Variants in ADCK1 observed in about 807,000 individuals in gnomAD.
The protein encoded by ADCK1 is aarF domain-containing protein kinase 1.
A neutral mutation model predicts 52.3 loss-of-function variants in ADCK1; 41 were observed. The observed-to-expected ratio is 0.78, with a 90% CI of 0.61 to 1.02. ADCK1 has a LOEUF of 1.02. Among genes scored for constraint, ADCK1 ranks in the 50% least tolerant of loss-of-function variants. The probability of loss-of-function intolerance (pLI) is 0.00; values close to 1 mark genes in which losing one functional copy is unlikely to be tolerated. For missense variants in ADCK1, 658 were observed against 679.5 expected, an observed-to-expected ratio of 0.97 and a Z score of 0.35; for synonymous variants, 250 against 274.6, an observed-to-expected ratio of 0.91 and a Z score of 0.89.
At chr14:77,860,799 C>T (rs2140141166) in intron 4 of ADCK1, among the ~76,000 whole-genome samples, 1 of 152,284 alleles carries the variant, frequency 6.6e-6, no homozygotes, top group South Asian at 2.1e-4. Flanking sequence ...AGATTCACCC[C>T]CAAATTAAAA....
intron 5 of ADCK1, among the ~76,000 whole-genome samples, chr14:77,894,086 G>C (rs1306659620): frequency 6.6e-6 from 1 of 152,160 alleles, no homozygotes; most frequent in East Asian, 1.9e-4. Flanking sequence ...GCTAGGCAAT[G>C]TTTATGTCGG....
rs550843297 is a variant in ADCK1 at position 77,855,814 on chromosome 14, AG to A, written c.220-3261del. 3.6e-3 allele frequency among the ~76,000 whole-genome samples: 548 copies of A among 152,354 alleles called. 4 individuals carry two copies. The highest frequency in any genetic ancestry group is 0.013 in the African/African-American group (530 of 41,596). ...ATCTTGTCCATTTAGAGCTGAAAAA[AG>A]TAATCAGCTGGACTTTCCATTTTCA... On this transcript the variant is annotated intron_variant, in intron 3 of 10. Transcript: ENST00000238561.
intron 3 of ADCK1, among the ~76,000 whole-genome samples, chr14:77,852,660 AATATATAT>A (rs370053776): frequency 0.013 from 415 of 31,674 alleles, 3 homozygotes; most frequent in South Asian, 0.04. Flanking sequence ...TAAATAAATA[AATATATAT>A]ATATATATAT....
intron 9 of ADCK1, among the ~76,000 whole-genome samples, chr14:77,926,571 C>T (rs887450008): frequency 1.3e-5 from 2 of 152,226 alleles, no homozygotes; most frequent in Non-Finnish European, 2.9e-5. Flanking sequence ...ACCTCTGCCT[C>T]CGGGGTTCAA....
chr14:77,822,630 A>G (rs1034805632), intron 3 of ADCK1, 112 bp downstream of exon 3: 15 of 922,124 alleles, frequency 1.6e-5, no homozygotes, highest in African/African-American at 9.8e-5. Flanking sequence ...GATTAAAGGC[A>G]TGAGCCACTG....
At chr14:77,889,936 A>T (rs1198356411) in intron 5 of ADCK1, among the ~76,000 whole-genome samples, 1 of 152,104 alleles carries the variant, frequency 6.6e-6, no homozygotes, top group African/African-American at 2.4e-5. Context: ...AAGGAAAAAA[A>T]ACTGTGCAAA....
intron 1 of ADCK1, among the ~76,000 whole-genome samples, chr14:77,807,691 T>A (rs1431775801): frequency 1.3e-5 from 2 of 151,712 alleles, no homozygotes; most frequent in Non-Finnish European, 2.9e-5. Flanking sequence ...GTATTTTTAG[T>A]AGAGATGGGG....
chr14:77,901,309 CAA>C (rs1370484203), intron 6 of ADCK1, among the ~76,000 whole-genome samples: 1 of 151,454 alleles, frequency 6.6e-6, no homozygotes, highest in African/African-American at 2.4e-5. Flanking sequence ...TTTGGCCTCC[CAA>C]AGTGCTGAGA....
chr14:77,866,580 A>T (rs1175349770), intron 4 of ADCK1, among the ~76,000 whole-genome samples: 1 of 151,720 alleles, frequency 6.6e-6, no homozygotes, highest in African/African-American at 2.4e-5. Flanking sequence ...TGGATTAGGG[A>T]CTCTGAAGTA....
intron 4 of ADCK1, among the ~76,000 whole-genome samples, chr14:77,863,620 T>G (rs1435653183): frequency 2.0e-5 from 3 of 152,054 alleles, no homozygotes; most frequent in Non-Finnish European, 4.4e-5. Context: ...GTGGATCACT[T>G]GAGGTCAAGA....
chr14:77,933,923 T>G lies in ADCK1; in HGVS notation c.*532T>G, dbSNP rs1210018754. The G allele has an allele frequency of 6.5e-6, 1 of 153,648 alleles. No homozygotes were observed. Among genetic ancestry groups the G allele is most frequent in the African/African-American group, 2.4e-5 (1 of 41,474 alleles). The allele number at this position is 153,648 out of a possible 1,614,324, so 9.5% of individuals were successfully genotyped here. A position where few individuals can be genotyped will look rare whatever the true frequency, so the allele number is the denominator to read the frequency against. The stretch of plus-strand genomic sequence containing the variant: ...CAGTGACGTTTGGTGTTTTCTGTAC[T>G]GTGTTTCAATAAAAACTCCTTCAAG... On this transcript the variant is annotated 3_prime_UTR_variant, in exon 11 of 11. Coordinates refer to ENST00000238561, the MANE Select transcript of ADCK1 (RefSeq NM_020421.4).
intron 1 of ADCK1, among the ~76,000 whole-genome samples, chr14:77,809,530 A>G (rs1462092003): frequency 6.6e-6 from 1 of 151,758 alleles, no homozygotes; most frequent in Admixed American, 6.6e-5. Flanking sequence ...GCATTTCATC[A>G]TGTTGGCCAG....
At chr14:77,809,432 C>A (rs564610962) in intron 1 of ADCK1, among the ~76,000 whole-genome samples, 1 of 152,038 alleles carries the variant, frequency 6.6e-6, no homozygotes, top group African/African-American at 2.4e-5. Context: ...CGGGTTCAAG[C>A]GATTCTCTTG....
intron 4 of ADCK1, among the ~76,000 whole-genome samples, chr14:77,875,998 A>C (rs921653906): frequency 5.9e-5 from 9 of 152,158 alleles, no homozygotes; most frequent in Admixed American, 1.3e-4. Flanking sequence ...ATGGACTTCC[A>C]CTGAGAGCGT....
chr14:77,809,921 C>G (rs76279472), intron 1 of ADCK1, among the ~76,000 whole-genome samples: 4,361 of 150,504 alleles, frequency 0.029, 203 homozygotes, highest in African/African-American at 0.098. Flanking sequence ...GCCTTTCGTC[C>G]CAGCTACTCA....
At chr14:77,817,947 C>T (rs567926235) in intron 1 of ADCK1, among the ~76,000 whole-genome samples, 58 of 151,592 alleles carry the variant, frequency 3.8e-4, no homozygotes, top group African/African-American at 1.4e-3. Context: ...ATCGTGTTAG[C>T]CAGGATGGTC....
At chr14:77,852,883 G>GTGTATATATATATA (rs1555351667) in intron 3 of ADCK1, among the ~76,000 whole-genome samples, 3 of 18,514 alleles carry the variant, frequency 1.6e-4, no homozygotes, top group Non-Finnish European at 3.0e-4. Context: ...TTTTATGTGT[G>GTGTATATATATATA]TATATATATA....
At chr14:77,901,843 C>T (rs1347828114) in intron 6 of ADCK1, among the ~76,000 whole-genome samples, 1 of 152,168 alleles carries the variant, frequency 6.6e-6, no homozygotes, top group Non-Finnish European at 1.5e-5. Context: ...CCCAACAGTG[C>T]AGGGCTTGGA....
chr14:77,920,750 G>C (rs1389559316), intron 7 of ADCK1, among the ~76,000 whole-genome samples: 1 of 152,124 alleles, frequency 6.6e-6, no homozygotes, highest in Admixed American at 6.5e-5. Context: ...CTGGGCTCAA[G>C]TGATCCTTCT....
Sources: gnomAD v4.1 joint callset for allele counts (sites outside exome capture counted in the v4.1 genomes callset) on GRCh38, gnomAD v4.1.1 for gene constraint, MANE v1.5 for transcripts, NCBI Gene and HGNC (gene_info 2026-07-23, HGNC 2026-07-21) for gene names.